CYP4B1: variants seen among roughly 807,000 people sequenced by gnomAD.
CYP4B1 encodes the protein cytochrome P450 4B1.
CYP4B1 carries 45 observed loss-of-function variants against 54.0 expected under a neutral mutation model. The observed-to-expected ratio is 0.83, with a 90% CI of 0.66 to 1.07. The LOEUF (loss-of-function observed/expected upper bound fraction) is 1.07, where lower values mean the gene tolerates loss of function less well. Among genes scored for constraint, CYP4B1 ranks in the 50% least tolerant of loss-of-function variants. The probability of loss-of-function intolerance (pLI) is 0.00; values close to 1 mark genes in which losing one functional copy is unlikely to be tolerated. For missense variants in CYP4B1, 656 were observed against 655.4 expected, an observed-to-expected ratio of 1.00 and a Z score of -0.01; for synonymous variants, 248 against 247.5, an observed-to-expected ratio of 1.00 and a Z score of -0.02.
chr1:46,810,680 G>T lies in CYP4B1; in HGVS notation c.181-128G>T. 6.8e-6 allele frequency: 6 copies of T among 880,514 alleles called. No individual in the cohort carries two copies. In the South Asian group the frequency reaches 9.4e-5, roughly 14 times the overall value. 54.5% of individuals were successfully genotyped at this position (880,514 alleles called of 1,614,324 possible). On this transcript the variant is annotated intron_variant, in intron 1 of 11. Transcript: ENST00000371923. ...GCCCAGGGATGTTTAGGAGAAGAGGGTGCAGGAGAGGTAAGGAAGCAACCA... is the reference window on the plus strand; with the variant it reads ...GCCCAGGGATGTTTAGGAGAAGAGGTTGCAGGAGAGGTAAGGAAGCAACCA...
chr1:46,815,390 A>G, intron 8 of CYP4B1, 126 bp downstream of exon 8: 2 of 831,436 alleles, frequency 2.4e-6, no homozygotes, highest in Non-Finnish European at 3.5e-6. Context: ...CCAGTGTCAT[A>G]CCTTTTGTGG....
In CYP4B1 at chr1:46,818,695, C is replaced by T. The variant is rs138678209; in HGVS notation, c.1420C>T (p.Arg474Cys). 119 of 1,614,186 alleles carry T rather than the reference C, an allele frequency of 7.4e-5. No individual in the cohort carries two copies. The African/African-American group carries it at 8.7e-4, about 12-fold the overall frequency. Residue 474 changes from arginine (R) to cysteine (C), a missense_variant, in exon 12 of 12, where the codon CGC becomes TGC. Coordinates refer to ENST00000371923, the MANE Select transcript of CYP4B1 (RefSeq NM_001099772.2). ...MKVVTAMCLLRFEFSLDPSRL... is the reference protein window; with the variant it reads ...MKVVTAMCLLCFEFSLDPSRL... ...GGTGGTCACAGCCATGTGCTTGCTCCGCTTTGAGTTCTCTCTGGACCCCTC... is the reference window on the plus strand; with the variant it reads ...GGTGGTCACAGCCATGTGCTTGCTCTGCTTTGAGTTCTCTCTGGACCCCTC...
intron 3 of CYP4B1, among the ~76,000 whole-genome samples, chr1:46,811,919 T>C (rs1679115587): frequency 6.6e-6 from 1 of 152,166 alleles, no homozygotes; most frequent in African/African-American, 2.4e-5. Context: ...ACTTTTTGCT[T>C]CTAACCCTCT....
intron 1 of CYP4B1, 103 bp from the exon 2 acceptor site, chr1:46,810,705 A>G: frequency 1.5e-6 from 2 of 1,297,560 alleles, no homozygotes; most frequent in Non-Finnish European, 2.2e-6. Flanking sequence ...GGAAGCAACC[A>G]GGGCCTGCCT....
At chr1:46,802,914 A>G (rs2148395766) in intron 1 of CYP4B1, among the ~76,000 whole-genome samples, 1 of 152,340 alleles carries the variant, frequency 6.6e-6, no homozygotes, top group East Asian at 1.9e-4. Context: ...GAAAAGGCAG[A>G]AGGTGCTCTC....
chr1:46,814,424 C>G, intron 7 of CYP4B1, 109 bp downstream of exon 7: 2 of 769,544 alleles, frequency 2.6e-6, no homozygotes, highest in Non-Finnish European at 4.3e-6. Context: ...CTTTCCTCAG[C>G]AAATATAACC....
chr1:46,806,498 G>A (rs1678867348), intron 1 of CYP4B1, among the ~76,000 whole-genome samples: 3 of 152,172 alleles, frequency 2.0e-5, no homozygotes, highest in Non-Finnish European at 2.9e-5. Flanking sequence ...AGGATCCCTG[G>A]TCTCCCTTAA....
At chr1:46,807,807 A>G (rs1678920385) in intron 1 of CYP4B1, among the ~76,000 whole-genome samples, 1 of 152,186 alleles carries the variant, frequency 6.6e-6, no homozygotes, top group Non-Finnish European at 1.5e-5. Context: ...TGGAGGCCAA[A>G]ATAGGCCCAA....
At position 46,812,616 on chromosome 1, in the gene CYP4B1, T is replaced by G. The variant is rs1215859475; in HGVS notation, c.488T>G (p.Ile163Ser). ...YVAVFTESTR[I>S]MLDKWEEKAR... The stretch of plus-strand genomic sequence containing the variant: ...GCCGTGTTCACTGAGTCTACACGTA[T>G]CATGCTGGTGAGCTCCCTGTGCCAG... The change falls in exon 4 of 12, where the codon ATC becomes AGC. Residue 163 changes from isoleucine to serine, a missense_variant. By Grantham distance (142) the Ile-to-Ser change is moderately radical. Transcript: ENST00000371923. 9.3e-6 allele frequency: 15 copies of G among 1,613,806 alleles called. No homozygotes were observed. The highest frequency in any genetic ancestry group is 1.2e-5 in the Non-Finnish European group (14 of 1,179,780).
intron 3 of CYP4B1, 134 bp downstream of exon 3, chr1:46,811,318 G>C: frequency 2.3e-6 from 2 of 879,944 alleles, no homozygotes; most frequent in Non-Finnish European, 3.7e-6. Flanking sequence ...AAGCTCAGCT[G>C]CTCAGTGGAG....
At chr1:46,816,581 GACACAC>G (rs3066413) in intron 8 of CYP4B1, among the ~76,000 whole-genome samples, 1 of 146,596 alleles carries the variant, frequency 6.8e-6, no homozygotes, top group Non-Finnish European at 1.5e-5. Context: ...AAAGGGAAAA[GACACAC>G]ACACACACAC....
rs866811560 is a variant in CYP4B1 at position 46,812,020 on chromosome 1, C to T, written c.368-476C>T. On this transcript the variant is annotated intron_variant, in intron 3 of 11. Transcript: ENST00000371923. ...TGGTTTTGAAGACAGGAATGCATTT[C>T]CATTGCTGGGTGTGTTGGAGTGGGG... 1.8e-4 allele frequency among the ~76,000 whole-genome samples: 27 copies of T among 152,262 alleles called. 1 individual carries two copies. Among genetic ancestry groups the T allele is most frequent in the Middle Eastern group, 6.8e-3 (2 of 294 alleles).
chr1:46,805,135 A>G (rs1678807467), intron 1 of CYP4B1, among the ~76,000 whole-genome samples: 1 of 152,254 alleles, frequency 6.6e-6, no homozygotes, highest in African/African-American at 2.4e-5. Context: ...TCTGGGCAGC[A>G]AAGCCACCCA....
At position 46,810,920 on chromosome 1, in the gene CYP4B1, A is replaced by G. The variant is rs751700954; in HGVS notation, c.293A>G (p.Asp98Gly). ...GGCTTCCTGAACATCTATGAGCCTGACTATGCCAAAGCTGTGTACAGCCGT... is the reference window on the plus strand; with the variant it reads ...GGCTTCCTGAACATCTATGAGCCTGGCTATGCCAAAGCTGTGTACAGCCGT... ...FIGFLNIYEP[D>G]YAKAVYSRGD... is the part of the protein sequence containing the mutation. Residue 98 changes from aspartate to glycine, a missense_variant, in exon 2 of 12, where the codon GAC (aspartate) becomes GGC (glycine). Transcript: ENST00000371923. The G allele has an allele frequency of 2.5e-5, 40 of 1,613,986 alleles. No homozygotes were observed. In the Admixed American group the frequency reaches 6.5e-4, roughly 26 times the overall value.
Position 46,818,736 on chromosome 1 carries a change from G to C in CYP4B1, c.1461G>C (p.Lys487Asn). 6.2e-7 allele frequency: 1 copy of C among 1,614,178 alleles called. No individual in the cohort carries two copies. Among genetic ancestry groups the C allele is most frequent in the South Asian group, 1.1e-5 (1 of 91,078 alleles). ...TGGACCCCTCACGGCTGCCCATCAA[G>C]ATGCCCCAGCTTGTCCTGCGCTCCA... ...FSLDPSRLPI[K>N]MPQLVLRSKN... The change falls in exon 12 of 12, where the codon AAG becomes AAC. Residue 487 changes from lysine to asparagine, a missense_variant. Coordinates refer to ENST00000371923, the MANE Select transcript of CYP4B1 (RefSeq NM_001099772.2).
At chr1:46,806,179 G>T (rs1187708061) in intron 1 of CYP4B1, among the ~76,000 whole-genome samples, 1 of 152,244 alleles carries the variant, frequency 6.6e-6, no homozygotes, top group Non-Finnish European at 1.5e-5. Context: ...CTGGGTGAAG[G>T]TGCTGGGCAG....
intron 1 of CYP4B1, among the ~76,000 whole-genome samples, chr1:46,800,487 T>A (rs1322536488): frequency 2.0e-5 from 3 of 151,858 alleles, no homozygotes; most frequent in Non-Finnish European, 4.4e-5. Flanking sequence ...CGCGCCACCA[T>A]GCCTAGCTAA....
In CYP4B1 at chr1:46,814,115, G is replaced by C. The variant is rs746237905; in HGVS notation, c.775+52G>C. On this transcript the variant is annotated intron_variant, in intron 6 of 11. Coordinates refer to ENST00000371923, the MANE Select transcript of CYP4B1 (RefSeq NM_001099772.2). The stretch of plus-strand genomic sequence containing the variant: ...CTAGGAAGCCTGGGTTCCTCCTCCT[G>C]GCCCCTCTATGCCCCCTCCCATTAT... 3 of 1,611,408 alleles carry C rather than the reference G, an allele frequency of 1.9e-6. No homozygotes were observed. The South Asian group carries it at 3.3e-5, about 18-fold the overall frequency.
In CYP4B1 at chr1:46,818,895, T is replaced by C; in HGVS notation, c.*81T>C. ...CCTCCCCAGGCTGGGTGTGGAGGAG[T>C]TGGGGCCCCCTGCCTTCAGGAGGCT... On this transcript the variant is annotated 3_prime_UTR_variant, in exon 12 of 12. Coordinates refer to ENST00000371923, the MANE Select transcript of CYP4B1 (RefSeq NM_001099772.2). 6.9e-7 allele frequency: 1 copy of C among 1,455,540 alleles called. No homozygotes were observed. Among genetic ancestry groups the C allele is most frequent in the Non-Finnish European group, 9.4e-7 (1 of 1,061,866 alleles). 90.2% of individuals were successfully genotyped at this position (1,455,540 alleles called of 1,614,324 possible). A position where few individuals can be genotyped will look rare whatever the true frequency, so the allele number is the denominator to read the frequency against.
Sources: allele counts gnomAD v4.1 joint callset (sites outside exome capture counted in the v4.1 genomes callset), GRCh38; gene constraint gnomAD v4.1.1; transcripts MANE v1.5; gene names NCBI Gene and HGNC (gene_info 2026-07-23, HGNC 2026-07-21).